The following DIP2C variants were observed in gnomAD, a reference collection of about 807,000 sequenced individuals.
DIP2C encodes the protein disco-interacting protein 2 homolog C.
A neutral mutation model predicts 192.4 loss-of-function variants in DIP2C; 33 were observed. The ratio of observed to expected loss-of-function variants is 0.17; its 90% CI spans 0.13 to 0.23. DIP2C has a LOEUF of 0.23. Ranked by LOEUF, DIP2C falls within the 10% of genes least tolerant of loss-of-function variation. The pLI is 1.00. For missense variants in DIP2C, 1,537 were observed against 2,110.1 expected, an observed-to-expected ratio of 0.73 and a Z score of 5.32; for synonymous variants, 979 against 864.1, an observed-to-expected ratio of 1.13 and a Z score of -2.33.
At chr10:621,657 T>G (rs543478697) in intron 1 of DIP2C, among the ~76,000 whole-genome samples, 2 of 152,260 alleles carry the variant, frequency 1.3e-5, no homozygotes, top group South Asian at 4.1e-4. Context: ...CGTGTGATCC[T>G]GCCATCACTC....
chr10:531,571 G>A (rs1045027784), intron 1 of DIP2C, among the ~76,000 whole-genome samples: 5 of 152,164 alleles, frequency 3.3e-5, no homozygotes, highest in Admixed American at 6.5e-5. Flanking sequence ...TGACGGAAGC[G>A]TCTATCGCCC....
At chr10:398,141 A>G (rs1462180716) in intron 10 of DIP2C, among the ~76,000 whole-genome samples, 1 of 152,234 alleles carries the variant, frequency 6.6e-6, no homozygotes, top group Non-Finnish European at 1.5e-5. Context: ...CATTCTGTAG[A>G]CAATCTCCTT....
intron 1 of DIP2C, among the ~76,000 whole-genome samples, chr10:526,905 T>TCC (rs752731443): frequency 1.2e-4 from 18 of 152,194 alleles, no homozygotes; most frequent in Non-Finnish European, 2.4e-4. Context: ...TAACCAGCCC[T>TCC]CCGCCTGTCC....
chr10:650,491 T>C (rs1564305235), intron 1 of DIP2C: 3 of 702,166 alleles, frequency 4.3e-6, no homozygotes, highest in Admixed American at 2.0e-5. Flanking sequence ...CCACTTCTAC[T>C]GGGTTCCCTA....
At chr10:451,276 C>G (rs1689052311) in intron 3 of DIP2C, among the ~76,000 whole-genome samples, 1 of 145,754 alleles carries the variant, frequency 6.9e-6, no homozygotes, top group African/African-American at 2.8e-5. Context: ...AAAAAGTTAC[C>G]AAACCACCAC....
chr10:638,627 TC>T (rs1462083787), intron 1 of DIP2C, among the ~76,000 whole-genome samples: 1 of 152,218 alleles, frequency 6.6e-6, no homozygotes, highest in East Asian at 1.9e-4. Flanking sequence ...ACTGTGAGTT[TC>T]AAGAAAAGGG....
intron 5 of DIP2C, among the ~76,000 whole-genome samples, chr10:419,573 T>C (rs996296417): frequency 2.0e-5 from 3 of 152,172 alleles, no homozygotes; most frequent in Admixed American, 6.5e-5. Flanking sequence ...AGGCCTGGAA[T>C]TGGAAACCCG....
chr10:575,045 A>G (rs1470277814), intron 1 of DIP2C, among the ~76,000 whole-genome samples: 1 of 152,144 alleles, frequency 6.6e-6, no homozygotes, highest in African/African-American at 2.4e-5. Flanking sequence ...ACAAACTGGT[A>G]TCAATCAGTC....
chr10:602,030 C>G (rs1053535412), intron 1 of DIP2C, among the ~76,000 whole-genome samples: 1 of 145,322 alleles, frequency 6.9e-6, no homozygotes, highest in African/African-American at 2.6e-5. Context: ...GGGTCACCTG[C>G]AAGTCAGCCT....
intron 29 of DIP2C, among the ~76,000 whole-genome samples, chr10:336,364 G>T (rs763435294): frequency 6.6e-6 from 1 of 152,200 alleles, no homozygotes; most frequent in African/African-American, 2.4e-5. Context: ...TGTGTTGGTG[G>T]TGGTAACTGG....
At chr10:479,360 A>C (rs1158718832) in intron 2 of DIP2C, among the ~76,000 whole-genome samples, 2 of 98,028 alleles carry the variant, frequency 2.0e-5, no homozygotes, top group African/African-American at 7.7e-5. Context: ...TTTAAGATGG[A>C]GTCTTGTTCT....
chr10:625,234 T>C (rs1447247643), intron 1 of DIP2C, among the ~76,000 whole-genome samples: 4 of 152,202 alleles, frequency 2.6e-5, no homozygotes. Flanking sequence ...CGCAAGCCTC[T>C]GCGCAGCCCT....
intron 1 of DIP2C, among the ~76,000 whole-genome samples, chr10:509,248 G>A (rs564070768): frequency 4.6e-5 from 7 of 152,268 alleles, no homozygotes; most frequent in South Asian, 2.1e-4. Flanking sequence ...AGGAAAACCC[G>A]TCCTAACCGC....
At chr10:520,747 A>G (rs1846651150) in intron 1 of DIP2C, among the ~76,000 whole-genome samples, 2 of 152,232 alleles carry the variant, frequency 1.3e-5, no homozygotes, top group Non-Finnish European at 2.9e-5. Context: ...AATAAGTTGG[A>G]AACCAAAAAA....
intron 1 of DIP2C, among the ~76,000 whole-genome samples, chr10:517,904 T>G (rs1404480295): frequency 6.6e-6 from 1 of 152,352 alleles, no homozygotes; most frequent in Non-Finnish European, 1.5e-5. Flanking sequence ...GATCCTCTTC[T>G]GTGCAGTTTC....
chr10:341,609 T>A (rs1958152971), intron 28 of DIP2C, among the ~76,000 whole-genome samples: 1 of 152,168 alleles, frequency 6.6e-6, no homozygotes, highest in African/African-American at 2.4e-5. Context: ...AATACGGGGC[T>A]GCACTGAATG....
At chr10:600,470 T>G (rs943113059) in intron 1 of DIP2C, among the ~76,000 whole-genome samples, 1,394 of 111,820 alleles carry the variant, frequency 0.012, 55 homozygotes, top group African/African-American at 0.075. Context: ...CGACAGCCCT[T>G]TCCACCTTAA....
At position 689,665 on chromosome 10, in the gene DIP2C, CGAG is replaced by C. The variant is rs938139702; in HGVS notation, c.-90_-88del. 6.5e-6 allele frequency: 6 copies of C among 922,238 alleles called. No individual in the cohort carries two copies. The African/African-American group carries it at 9.0e-5, about 14-fold the overall frequency. The allele number at this position is 922,238 out of a possible 1,614,324, so 57.1% of individuals were successfully genotyped here. A position where few individuals can be genotyped will look rare whatever the true frequency, so the allele number is the denominator to read the frequency against. Reference sequence around the variant, plus strand: ...CTCCTCGCGCCCGGCGGAACCGCACCGAGGAGGAGGCGGCGGCGCGGGCGCGGG... The same window carrying C: ...CTCCTCGCGCCCGGCGGAACCGCACCGAGGAGGCGGCGGCGCGGGCGCGGG... On this transcript the variant is annotated 5_prime_UTR_variant, in exon 1 of 37. Coordinates refer to ENST00000280886, the MANE Select transcript of DIP2C (RefSeq NM_014974.3). The surrounding 1 kb of genome is among the most constrained non-coding windows in gnomAD (Gnocchi z 6.1).
intron 1 of DIP2C, chr10:649,980 G>A: frequency 1.6e-6 from 1 of 628,392 alleles, no homozygotes; most frequent in Non-Finnish European, 2.9e-6. Context: ...AATGTAAGCA[G>A]TGTTTGCCGT....
Sources: gnomAD v4.1 joint callset for allele counts (sites outside exome capture counted in the v4.1 genomes callset) on GRCh38, gnomAD v4.1.1 for gene constraint, Gnocchi (gnomAD v3.1) non-coding constraint, MANE v1.5 for transcripts, NCBI Gene and HGNC (gene_info 2026-07-23, HGNC 2026-07-21) for gene names.